The following CACNG4 variants were observed in gnomAD, a reference collection of about 807,000 sequenced individuals.
CACNG4 encodes the protein calcium voltage-gated channel auxiliary subunit gamma 4.
CACNG4 carries 8 observed loss-of-function variants against 22.9 expected under a neutral mutation model. The observed-to-expected ratio is 0.35, with a 90% CI of 0.21 to 0.63. The LOEUF (loss-of-function observed/expected upper bound fraction) is 0.63, where lower values mean the gene tolerates loss of function less well. CACNG4 is among the 30% of genes least tolerant of loss of function. The pLI is 0.72. For synonymous variants in CACNG4, 188 were observed against 191.9 expected (o/e 0.98, Z 0.17); for missense variants, 357 against 455.4 (o/e 0.78, Z 1.97).
rs138591032 is a variant in CACNG4, at chr17:67,031,177, G to A, written c.*173G>A. 7,132 of 692,162 alleles carry A rather than the reference G, an allele frequency of 0.01. 76 individuals carry two copies. The highest frequency in any genetic ancestry group is 0.014 in the Non-Finnish European group (5,559 of 411,302). 42.9% of individuals were successfully genotyped at this position (692,162 alleles called of 1,614,324 possible). A position where few individuals can be genotyped will look rare whatever the true frequency, so the allele number is the denominator to read the frequency against. On this transcript the variant is annotated 3_prime_UTR_variant, in exon 4 of 4. Transcript: ENST00000262138. The surrounding 1 kb of genome is among the most constrained non-coding windows in gnomAD (Gnocchi z 4.0). Reference sequence around the variant, plus strand: ...TGCACGAAGGTTGTGCTGGGAGACCGGACCCGGGGCTGCAGAAGAAGCTGA... The same window carrying A: ...TGCACGAAGGTTGTGCTGGGAGACCAGACCCGGGGCTGCAGAAGAAGCTGA...
chr17:66,982,222 A>T (rs1347500062), intron 1 of CACNG4, among the ~76,000 whole-genome samples: 4 of 152,160 alleles, frequency 2.6e-5, no homozygotes, highest in Non-Finnish European at 1.5e-5. Flanking sequence ...GCCAGCTTTT[A>T]TTCCTTTATT....
chr17:67,014,033 C>T (rs995649864), intron 1 of CACNG4, among the ~76,000 whole-genome samples: 12 of 152,066 alleles, frequency 7.9e-5, no homozygotes, highest in African/African-American at 2.7e-4. Context: ...TGCCTGAGGC[C>T]GAGTGACTAA....
At chr17:67,029,322 CTG>C (rs1212952703) in intron 3 of CACNG4, among the ~76,000 whole-genome samples, 1 of 146,178 alleles carries the variant, frequency 6.8e-6, no homozygotes, top group African/African-American at 2.6e-5. Flanking sequence ...CAGACTGAGA[CTG>C]AGCCTCTGTC....
At chr17:67,007,911 G>A (rs1378977605) in intron 1 of CACNG4, among the ~76,000 whole-genome samples, 9 of 152,138 alleles carry the variant, frequency 5.9e-5, no homozygotes, top group Admixed American at 5.9e-4. Flanking sequence ...AGTGGAGATG[G>A]AGGGCCACCC....
At chr17:67,003,745 T>C (rs113338803) in intron 1 of CACNG4, among the ~76,000 whole-genome samples, 2,300 of 152,262 alleles carry the variant, frequency 0.015, 33 homozygotes, top group Middle Eastern at 0.051. Flanking sequence ...AATCACCCCC[T>C]GTAGAGAACC....
intron 1 of CACNG4, among the ~76,000 whole-genome samples, chr17:66,971,780 G>A (rs1230903200): frequency 1.3e-5 from 2 of 152,182 alleles, no homozygotes; most frequent in East Asian, 3.9e-4. Flanking sequence ...GGAGGAGAGG[G>A]AGCAAGGAAG....
intron 1 of CACNG4, among the ~76,000 whole-genome samples, chr17:66,985,273 C>A (rs2035298689): frequency 6.6e-6 from 1 of 152,186 alleles, no homozygotes; most frequent in African/African-American, 2.4e-5. Context: ...CTCCCAGATT[C>A]ATTCATTCAT....
rs865868085 is a variant in CACNG4 at position 66,990,901 on chromosome 17, C to T, written c.220+25770C>T. Reference sequence around the variant, plus strand: ...TTCACCGTGTTAGTCAGGATGGTCTCGATCTCCTGACCTCGTGATCCGCCC... The same window carrying T: ...TTCACCGTGTTAGTCAGGATGGTCTTGATCTCCTGACCTCGTGATCCGCCC... On this transcript the variant is annotated intron_variant, in intron 1 of 3. Coordinates refer to ENST00000262138, the MANE Select transcript of CACNG4 (RefSeq NM_014405.4). Among the ~76,000 whole-genome samples the T allele has an allele frequency of 3.3e-5, 5 of 151,960 alleles. No homozygotes were observed. The South Asian group carries it at 1.0e-3, about 32-fold the overall frequency.
At chr17:66,982,370 C>G (rs936751557) in intron 1 of CACNG4, among the ~76,000 whole-genome samples, 1 of 152,166 alleles carries the variant, frequency 6.6e-6, no homozygotes, top group Non-Finnish European at 1.5e-5. Flanking sequence ...TTACAAACCT[C>G]TAGCTAGCCA....
chr17:66,970,614 G>A (rs2035197854), intron 1 of CACNG4, among the ~76,000 whole-genome samples: 1 of 152,212 alleles, frequency 6.6e-6, no homozygotes, highest in Non-Finnish European at 1.5e-5. Context: ...ATGCTCACAT[G>A]GTGGAGAGAG....
intron 1 of CACNG4, 63 bp downstream of exon 1, chr17:66,965,194 A>ACGCGCGCG (rs1158411001): frequency 6.6e-6 from 6 of 910,140 alleles, no homozygotes; most frequent in Non-Finnish European, 9.2e-6. Context: ...ACATATACAC[A>ACGCGCGCG]CGCGCGCGCG....
intron 1 of CACNG4, among the ~76,000 whole-genome samples, chr17:67,009,279 T>C (rs891439757): frequency 2.0e-5 from 3 of 152,104 alleles, no homozygotes; most frequent in Non-Finnish European, 4.4e-5. Context: ...TGATACTTCG[T>C]TAAAGTAACC....
intron 1 of CACNG4, among the ~76,000 whole-genome samples, chr17:66,982,179 G>A (rs984510381): frequency 6.6e-6 from 1 of 152,230 alleles, no homozygotes; most frequent in South Asian, 2.1e-4. Flanking sequence ...AGTGGGAGGA[G>A]ACCCAAGCGG....
intron 1 of CACNG4, among the ~76,000 whole-genome samples, chr17:66,990,832 C>A (rs2035335759): frequency 6.6e-6 from 1 of 152,064 alleles, no homozygotes; most frequent in Non-Finnish European, 1.5e-5. Flanking sequence ...AGGCGCCCGC[C>A]ACCATGCCCG....
At chr17:67,006,521 T>C (rs537971130) in intron 1 of CACNG4, among the ~76,000 whole-genome samples, 2 of 152,198 alleles carry the variant, frequency 1.3e-5, no homozygotes, top group South Asian at 4.2e-4. Context: ...CTGGGCTTCG[T>C]CTCGCCTGGG....
At chr17:66,995,126 G>A (rs538152391) in intron 1 of CACNG4, among the ~76,000 whole-genome samples, 5 of 152,240 alleles carry the variant, frequency 3.3e-5, no homozygotes, top group South Asian at 4.2e-4. Flanking sequence ...TCAGGCCTCC[G>A]TGGAGGTGGC....
chr17:67,002,687 G>A (rs2035415873), intron 1 of CACNG4, among the ~76,000 whole-genome samples: 1 of 151,928 alleles, frequency 6.6e-6, no homozygotes, highest in Admixed American at 6.6e-5. Context: ...TCATAGCAGT[G>A]ACAGCACTAG....
chr17:66,966,020 G>A (rs2035168676), intron 1 of CACNG4, among the ~76,000 whole-genome samples: 1 of 152,206 alleles, frequency 6.6e-6, no homozygotes, highest in Non-Finnish European at 1.5e-5. Flanking sequence ...TCGGAGCTGG[G>A]CGCTGCGACC....
rs758501575 is a variant in CACNG4, at chr17:67,030,750, A to C, written c.730A>C (p.Arg244=). 1 of 1,614,128 alleles carries C rather than the reference A, an allele frequency of 6.2e-7. No individual in the cohort carries two copies. Among genetic ancestry groups the C allele is most frequent in the Non-Finnish European group, 8.5e-7 (1 of 1,180,018 alleles). ...CTACAGGTACCGGCGACGGCGCTCG[A>C]GGTCCAGCTCAAGGTCCACCGAGGC... ...PSYRYRRRRS[R]SSSRSTEASP... The change falls in exon 4 of 4, where the codon AGG becomes CGG. Residue 244 remains arginine (R), a synonymous_variant. Coordinates refer to ENST00000262138, the MANE Select transcript of CACNG4 (RefSeq NM_014405.4). This position sits in a 1 kb window ranked among gnomAD's most constrained non-coding sequence, Gnocchi z 6.4.
Sources: allele counts gnomAD v4.1 joint callset (sites outside exome capture counted in the v4.1 genomes callset), GRCh38; gene constraint gnomAD v4.1.1; non-coding constraint Gnocchi (gnomAD v3.1); transcripts MANE v1.5; gene names NCBI Gene and HGNC (gene_info 2026-07-23, HGNC 2026-07-21).